ZNF469: variants seen among roughly 807,000 people sequenced by gnomAD.
ZNF469 encodes zinc finger protein 469.
A neutral mutation model predicts 1.0 loss-of-function variants in ZNF469; 1 was observed. That is an observed-to-expected ratio of 1.00 (90% CI 0.35 to 4.73). The LOEUF is 4.73. Among genes scored for constraint, ZNF469 ranks in the 30% most tolerant of loss-of-function variants. The probability of loss-of-function intolerance (pLI) is 0.16; values close to 1 mark genes in which losing one functional copy is unlikely to be tolerated. For missense variants in ZNF469, 6,100 were observed against 5,356.3 expected, an observed-to-expected ratio of 1.14 and a Z score of -4.33; for synonymous variants, 2,703 against 2,363.4, an observed-to-expected ratio of 1.14 and a Z score of -4.17.
chr16:88,311,589 C>T, the ZNF469 span, among the ~76,000 whole-genome samples: 9 of 152,284 alleles, frequency 5.9e-5, no homozygotes, highest in South Asian at 2.1e-4. Flanking sequence ...GCCTGCCCTC[C>T]GTCAGTGGTT....
the ZNF469 span, among the ~76,000 whole-genome samples, chr16:88,372,951 T>C: frequency 6.6e-6 from 1 of 152,040 alleles, no homozygotes; most frequent in South Asian, 2.1e-4. Context: ...TTTACCATCA[T>C]CACCATCATC....
rs187075195 is a variant in ZNF469, at chr16:88,439,037, G to C, written c.11567G>C (p.Arg3856Pro). The C allele has an allele frequency of 1.3e-6, 2 of 1,549,944 alleles. No homozygotes were observed. The highest frequency in any genetic ancestry group is 4.9e-5 in the East Asian group (2 of 40,896). The change falls in exon 3 of 3, where the codon CGC becomes CCC. Residue 3856 changes from arginine (R) to proline (P), a missense_variant. Transcript: ENST00000565624. ...CCTCGGAAGCAGGCAACTCCCAGCC[G>C]CGTGCTCCCGACCAAGCCCAAGCCC... Reference protein sequence around the residue: ...RTPRKQATPSRVLPTKPKPNS... With the variant: ...RTPRKQATPSPVLPTKPKPNS...
intron 1 of ZNF469, among the ~76,000 whole-genome samples, chr16:88,410,056 C>G (rs890702750): frequency 1.3e-5 from 2 of 148,966 alleles, no homozygotes; most frequent in African/African-American, 5.0e-5. Context: ...CTGGGAAAGG[C>G]TGGATTCTAG....
chr16:88,178,771 C>T, the ZNF469 span: 10 of 152,192 alleles, frequency 6.6e-5, no homozygotes, highest in Admixed American at 6.5e-4. Flanking sequence ...AGAAGAGAGA[C>T]ACAGTCACTC....
At chr16:88,204,673 C>T in the ZNF469 span, among the ~76,000 whole-genome samples, 1 of 152,194 alleles carries the variant, frequency 6.6e-6, no homozygotes. Context: ...ACAAGGCACC[C>T]ACACAGCCAG....
chr16:88,103,465 G>A, the ZNF469 span, among the ~76,000 whole-genome samples: 8 of 152,354 alleles, frequency 5.3e-5, no homozygotes, highest in African/African-American at 1.2e-4. Flanking sequence ...CCTCGGGACC[G>A]GCGTGAAGAC....
chr16:88,327,685 C>T, the ZNF469 span, among the ~76,000 whole-genome samples: 2 of 152,196 alleles, frequency 1.3e-5, no homozygotes. Context: ...CCACCGCCCT[C>T]TCCCCTCCCA....
the ZNF469 span, among the ~76,000 whole-genome samples, chr16:88,314,405 G>A: frequency 7.0e-6 from 1 of 142,042 alleles, no homozygotes; most frequent in Non-Finnish European, 1.5e-5. Flanking sequence ...TGATTATGAT[G>A]ATGCTGGTGT....
chr16:88,327,466 G>C, the ZNF469 span, among the ~76,000 whole-genome samples: 1 of 152,238 alleles, frequency 6.6e-6, no homozygotes. Flanking sequence ...CGTAAGCATG[G>C]TGTGGGTGCT....
chr16:88,370,432 C>T, the ZNF469 span, among the ~76,000 whole-genome samples: 1 of 152,170 alleles, frequency 6.6e-6, no homozygotes, highest in Admixed American at 6.5e-5. Context: ...TTCCAGAATT[C>T]AGTAGCATGT....
chr16:88,158,526 G>T, the ZNF469 span, among the ~76,000 whole-genome samples: 1 of 149,720 alleles, frequency 6.7e-6, no homozygotes, highest in African/African-American at 2.5e-5. Context: ...GCACATGCCT[G>T]CCTCTGCGCA....
the ZNF469 span, among the ~76,000 whole-genome samples, chr16:88,184,136 G>A: frequency 6.6e-6 from 1 of 152,036 alleles, no homozygotes; most frequent in East Asian, 1.9e-4. Flanking sequence ...CGTGTAAACA[G>A]ACGAGACGAC....
the ZNF469 span, among the ~76,000 whole-genome samples, chr16:88,135,748 G>GTTTTATTT: frequency 5.8e-4 from 39 of 66,852 alleles, 10 homozygotes; most frequent in Middle Eastern, 0.028. Context: ...AGCTGGCCAT[G>GTTTTATTT]TTTTTTTTTT....
chr16:88,185,100 C>T, the ZNF469 span, among the ~76,000 whole-genome samples: 736 of 53,114 alleles, frequency 0.014, 25 homozygotes, highest in Admixed American at 0.12. Flanking sequence ...CATGGGTACT[C>T]ACACAGGTAG....
intron 1 of ZNF469, among the ~76,000 whole-genome samples, chr16:88,413,053 C>T (rs1905217085): frequency 6.6e-6 from 1 of 152,082 alleles, no homozygotes; most frequent in Admixed American, 6.5e-5. Flanking sequence ...AGACCAGGCA[C>T]TAGCGGTGTG....
the ZNF469 span, among the ~76,000 whole-genome samples, chr16:88,203,502 G>A: frequency 6.6e-6 from 1 of 151,910 alleles, no homozygotes; most frequent in East Asian, 1.9e-4. Flanking sequence ...TGGGGGCGGG[G>A]ACGGGGCGGG....
At position 88,429,417 on chromosome 16, in the gene ZNF469, G is replaced by A. The variant is rs1351267451; in HGVS notation, c.1947G>A (p.Pro649=). The A allele has an allele frequency of 5.0e-5, 44 of 883,450 alleles. No homozygotes were observed. The highest frequency in any genetic ancestry group is 1.8e-4 in the East Asian group (2 of 11,308). 54.7% of individuals were successfully genotyped at this position (883,450 alleles called of 1,614,324 possible). A position where few individuals can be genotyped will look rare whatever the true frequency, so the allele number is the denominator to read the frequency against. The part of the protein sequence containing the change: ...THPQETGSPF[P]SPEPPHSLPT... Reference sequence around the variant, plus strand: ...CCCAGGAGACGGGCAGCCCCTTCCCGTCCCCGGAGCCCCCCCACTCCCTCC... The same window carrying A: ...CCCAGGAGACGGGCAGCCCCTTCCCATCCCCGGAGCCCCCCCACTCCCTCC... The change falls in exon 3 of 3, where the codon CCG becomes CCA. Residue 649 remains proline, a synonymous_variant. Coordinates refer to ENST00000565624, the MANE Select transcript of ZNF469 (RefSeq NM_001367624.2).
At chr16:88,181,830 G>T in the ZNF469 span, among the ~76,000 whole-genome samples, 1 of 152,204 alleles carries the variant, frequency 6.6e-6, no homozygotes, top group East Asian at 1.9e-4. Flanking sequence ...TGGAAACAAA[G>T]TCAGAATGTC....
At chr16:88,209,290 T>G in the ZNF469 span, among the ~76,000 whole-genome samples, 5 of 151,992 alleles carry the variant, frequency 3.3e-5, no homozygotes, top group Admixed American at 2.6e-4. Flanking sequence ...CTTTTCTTTT[T>G]TCTTTTTTTT....
Sources: allele counts gnomAD v4.1 joint callset (sites outside exome capture counted in the v4.1 genomes callset), GRCh38; gene constraint gnomAD v4.1.1; transcripts MANE v1.5; gene names NCBI Gene and HGNC (gene_info 2026-07-23, HGNC 2026-07-21).